CUBN: variants seen among roughly 807,000 people sequenced by gnomAD.
The protein encoded by CUBN is cubilin.
Under a neutral mutation model 405.3 loss-of-function variants are expected in CUBN, and 282 were observed. The ratio of observed to expected loss-of-function variants is 0.70; its 90% CI spans 0.63 to 0.77. CUBN has a LOEUF of 0.77. Ranked by LOEUF, CUBN falls within the 30% of genes least tolerant of loss-of-function variation. The probability of loss-of-function intolerance (pLI) is 0.00; values close to 1 mark genes in which losing one functional copy is unlikely to be tolerated. For missense variants in CUBN, 4,514 were observed against 4,475.2 expected, an observed-to-expected ratio of 1.01 and a Z score of -0.25; for synonymous variants, 1,684 against 1,617.0, an observed-to-expected ratio of 1.04 and a Z score of -0.99.
intron 47 of CUBN, among the ~76,000 whole-genome samples, chr10:16,914,697 A>G (rs1841833084): frequency 6.6e-6 from 1 of 152,004 alleles, no homozygotes; most frequent in Admixed American, 6.5e-5. Flanking sequence ...AGTTAATGTT[A>G]AGTACCCAGT....
At chr10:16,851,889 CATCTTTCCCTCCCTGACTCT>C (rs1839706082) in intron 59 of CUBN, among the ~76,000 whole-genome samples, 1 of 120,008 alleles carries the variant, frequency 8.3e-6, no homozygotes, top group Non-Finnish European at 1.7e-5. Flanking sequence ...TCCCTCCCTC[CATCTTTCCCTCCCTGACTCT>C]ATCTTTCCCT....
Position 16,940,132 on chromosome 10 carries a change from G to C in CUBN, c.5448C>G (p.Phe1816Leu). Residue 1816 changes from phenylalanine to leucine, a missense_variant, in exon 37 of 67, where the codon TTC becomes TTG. By Grantham distance (22) the Phe-to-Leu change is conservative. Coordinates refer to ENST00000377833, the MANE Select transcript of CUBN (RefSeq NM_001081.4). ...CAACGATGGAAGAATAATTGAGAGG[G>C]AAGGAGTTTCCACAGTATCGTCCCA... ...HLVGRYCGNS[F>L]PLNYSSIVGH... 1 of 1,614,088 alleles carries C rather than the reference G, an allele frequency of 6.2e-7. No individual in the cohort carries two copies. Among genetic ancestry groups the C allele is most frequent in the Non-Finnish European group, 8.5e-7 (1 of 1,179,936 alleles).
intron 40 of CUBN, among the ~76,000 whole-genome samples, chr10:16,930,810 T>G (rs61841435): frequency 6.6e-6 from 1 of 152,202 alleles, no homozygotes; most frequent in African/African-American, 2.4e-5. Flanking sequence ...AGGCCTGTGA[T>G]GACAGGCCAA....
At chr10:16,967,988 G>GA (rs1280993159) in intron 31 of CUBN, among the ~76,000 whole-genome samples, 5 of 109,578 alleles carry the variant, frequency 4.6e-5, no homozygotes, top group Admixed American at 3.7e-4. Flanking sequence ...AGAGAGAGAG[G>GA]AAAAGAGAGA....
intron 17 of CUBN, among the ~76,000 whole-genome samples, chr10:17,083,175 C>T (rs995144366): frequency 1.3e-5 from 2 of 151,636 alleles, no homozygotes; most frequent in Non-Finnish European, 2.9e-5. Flanking sequence ...ATAAATATAC[C>T]CATTCTGAAA....
intron 31 of CUBN, among the ~76,000 whole-genome samples, chr10:16,973,804 C>T (rs1196962517): frequency 6.6e-6 from 1 of 152,166 alleles, no homozygotes; most frequent in Non-Finnish European, 1.5e-5. Flanking sequence ...ATCCATGTTG[C>T]TGAAAAGGAC....
chr10:16,912,012 T>C (rs1841748860), intron 48 of CUBN, among the ~76,000 whole-genome samples: 1 of 152,168 alleles, frequency 6.6e-6, no homozygotes, highest in South Asian at 2.1e-4. Flanking sequence ...TCATCTTTGT[T>C]TATATAATTC....
rs143716845 is a variant in CUBN at position 16,982,519 on chromosome 10, C to T, written c.4660G>A (p.Asp1554Asn). The stretch of plus-strand genomic sequence containing the variant: ...GAGTCTTGTGGTTCAAGATCAAAGT[C>T]AGTGAAGTTCAAGAGAACACGATGA... ...RNHRVLLNFT[D>N]FDLEPQDSCI... The change falls in exon 31 of 67, where the codon GAC (aspartate) becomes AAC (asparagine). Residue 1554 changes from aspartate (D) to asparagine (N), a missense_variant. Around this residue, in one of 5 missense-constraint regions of CUBN, gnomAD observed 1,613 missense variants for 1,542.8 expected, o/e 1.05. Transcript: ENST00000377833. The T allele has an allele frequency of 1.9e-5, 31 of 1,613,640 alleles. No homozygotes were observed. The highest frequency in any genetic ancestry group is 2.5e-5 in the Non-Finnish European group (30 of 1,179,748).
intron 40 of CUBN, 108 bp from the exon 41 acceptor site, chr10:16,928,411 A>ATTTAGGATGTT: frequency 1.7e-6 from 2 of 1,190,244 alleles, no homozygotes; most frequent in Non-Finnish European, 2.5e-6. Context: ...GAACATCAGG[A>ATTTAGGATGTT]CTCGTAGGAG....
Position 16,933,045 on chromosome 10 carries a change from T to TG in CUBN, c.6124+41dup, listed in dbSNP as rs1491205705. 3.8e-6 allele frequency: 6 copies of TG among 1,583,852 alleles called. No homozygotes were observed. The African/African-American group carries it at 8.1e-5, about 21-fold the overall frequency. ...GATGATAATGGACTAGAACTAATTA[T>TG]GTGTCAGGGTTGAAACTCAGCATTC... On this transcript the variant is annotated intron_variant, in intron 40 of 66. Coordinates refer to ENST00000377833, the MANE Select transcript of CUBN (RefSeq NM_001081.4).
At chr10:17,118,220 G>C (rs988173282) in intron 6 of CUBN, among the ~76,000 whole-genome samples, 2 of 152,118 alleles carry the variant, frequency 1.3e-5, no homozygotes, top group Non-Finnish European at 2.9e-5. Context: ...AGAAACTCAA[G>C]TAAACCATAG....
chr10:16,830,148 C>T (rs115566373), intron 65 of CUBN, among the ~76,000 whole-genome samples: 40 of 152,292 alleles, frequency 2.6e-4, no homozygotes, highest in African/African-American at 9.6e-4. Flanking sequence ...GTGGGCCACA[C>T]TGGTCTGGAA....
intron 22 of CUBN, among the ~76,000 whole-genome samples, chr10:17,050,514 C>T (rs974214909): frequency 1.3e-5 from 2 of 152,146 alleles, no homozygotes; most frequent in Non-Finnish European, 1.5e-5. Context: ...AGAGGAAAGC[C>T]GGGCATCTGA....
intron 28 of CUBN, 108 bp downstream of exon 28, chr10:17,019,725 G>T: frequency 7.7e-7 from 1 of 1,294,228 alleles, no homozygotes; most frequent in Non-Finnish European, 1.1e-6. Context: ...TTACTACCTG[G>T]GTTCCATTAT....
In CUBN at chr10:17,057,851, G is replaced by A. The variant is rs549605816; in HGVS notation, c.3139+7657C>T. Reference sequence around the variant, plus strand: ...AAATGAAAGAAGCCAAGCCGGGTGCGGTGGCTCACGCCTGTAATCCCAGCA... The same window carrying A: ...AAATGAAAGAAGCCAAGCCGGGTGCAGTGGCTCACGCCTGTAATCCCAGCA... On this transcript the variant is annotated intron_variant, in intron 22 of 66. Transcript: ENST00000377833. Among the ~76,000 whole-genome samples, 5 of 152,164 alleles carry A rather than the reference G, an allele frequency of 3.3e-5. No homozygotes were observed. In the South Asian group the frequency reaches 6.2e-4, roughly 19 times the overall value.
Position 17,055,818 on chromosome 10 carries a change from G to A in CUBN, c.3140-8215C>T, listed in dbSNP as rs75033171. ...GTAAAATATGTTCATGGATTGGAAG[G>A]CTGAATTTAAGATGACCTTTATCCC... On this transcript the variant is annotated intron_variant, in intron 22 of 66. Coordinates refer to ENST00000377833, the MANE Select transcript of CUBN (RefSeq NM_001081.4). Among the ~76,000 whole-genome samples, 1,227 of 152,122 alleles carry A rather than the reference G, an allele frequency of 8.1e-3. 13 individuals carry two copies. The highest frequency in any genetic ancestry group is 0.026 in the African/African-American group (1,086 of 41,502).
chr10:17,005,457 A>G (rs920708739), intron 28 of CUBN, among the ~76,000 whole-genome samples: 1 of 152,192 alleles, frequency 6.6e-6, no homozygotes, highest in Non-Finnish European at 1.5e-5. Flanking sequence ...GCCCCAATGG[A>G]GAATGCAGAG....
In CUBN at chr10:16,952,508, G is replaced by A. The variant is rs1352502425; in HGVS notation, c.4856-119C>T. 15 of 713,898 alleles carry A rather than the reference G, an allele frequency of 2.1e-5. No individual in the cohort carries two copies. In the Admixed American group the frequency reaches 2.2e-4, roughly 11 times the overall value. The allele number at this position is 713,898 out of a possible 1,614,324, so 44.2% of individuals were successfully genotyped here. ...TTTTCTTCTTATTTCTAAAATGCAC[G>A]CCAAGAAAGTTCTCCATAAGGAGAG... On this transcript the variant is annotated intron_variant, in intron 32 of 66. Transcript: ENST00000377833.
chr10:17,036,163 A>G (rs936437245), intron 27 of CUBN, among the ~76,000 whole-genome samples: 1 of 152,168 alleles, frequency 6.6e-6, no homozygotes, highest in African/African-American at 2.4e-5. Flanking sequence ...TAGGCAGGCT[A>G]GACCCATGCA....
Sources: allele counts gnomAD v4.1 joint callset (sites outside exome capture counted in the v4.1 genomes callset), GRCh38; gene constraint gnomAD v4.1.1; regional missense constraint gnomAD v4.1.1; transcripts MANE v1.5; gene names NCBI Gene and HGNC (gene_info 2026-07-23, HGNC 2026-07-21).